MED16: variants seen among roughly 807,000 people sequenced by gnomAD.
MED16 encodes mediator complex subunit 16.
In MED16, 81 loss-of-function variants were observed where a neutral mutation model predicts 84.4. The observed-to-expected ratio is 0.96, with a 90% CI of 0.80 to 1.15. The LOEUF (loss-of-function observed/expected upper bound fraction) is 1.15, where lower values mean the gene tolerates loss of function less well. MED16 is among the 50% of genes most tolerant of loss of function. The probability of loss-of-function intolerance (pLI) is 0.00; values close to 1 mark genes in which losing one functional copy is unlikely to be tolerated. For synonymous variants in MED16, 897 were observed against 552.2 expected, an observed-to-expected ratio of 1.62 and a Z score of -8.76; for missense variants, 1,585 against 1,245.9, an observed-to-expected ratio of 1.27 and a Z score of -4.10.
chr19:890,403 C>A lies in MED16; in HGVS notation c.170-159G>T, dbSNP rs919362735. On this transcript the variant is annotated intron_variant, in intron 2 of 15. Coordinates refer to ENST00000325464, the MANE Select transcript of MED16 (RefSeq NM_005481.3). ...CGACAGCTCAGGGAACAGGCTGTCC[C>A]CCCGCAGGAACAGAGCAGGCCTGTG... 2.3e-5 allele frequency: 13 copies of A among 563,576 alleles called. No individual in the cohort carries two copies. The Middle Eastern group carries it at 1.5e-3, about 66-fold the overall frequency. The allele number at this position is 563,576 out of a possible 1,614,324, so 34.9% of individuals were successfully genotyped here.
chr19:872,155 G>C (rs752549057), intron 11 of MED16, 37 bp from the exon 12 acceptor site: 3 of 1,557,434 alleles, frequency 1.9e-6, no homozygotes, highest in Non-Finnish European at 2.6e-6. Context: ...TGGGGCGGCG[G>C]GGGGCAGATG....
intron 10 of MED16, among the ~76,000 whole-genome samples, chr19:874,991 C>A (rs1006431092): frequency 1.3e-5 from 2 of 149,054 alleles, no homozygotes; most frequent in Admixed American, 1.3e-4. Flanking sequence ...GGTGAAACCC[C>A]GTCTCTACTA....
Position 875,387 on chromosome 19 carries a change from C to T in MED16, c.1628G>A (p.Arg543His), listed in dbSNP as rs2036206863. 1.2e-6 allele frequency: 2 copies of T among 1,608,806 alleles called. No individual in the cohort carries two copies. The highest frequency in any genetic ancestry group is 8.5e-7 in the Non-Finnish European group (1 of 1,179,754). Reference sequence around the variant, plus strand: ...GAGCTTGGTGTGGTAGTCGCACACGCGGGTCACCGTGCAGGGCGACAGCTT... The same window carrying T: ...GAGCTTGGTGTGGTAGTCGCACACGTGGGTCACCGTGCAGGGCGACAGCTT... ...LCKLSPCTVT[R>H]VCDYHTKLFL... is the part of the protein sequence containing the mutation. The change falls in exon 10 of 16, where the codon CGC becomes CAC. Residue 543 changes from arginine to histidine, a missense_variant. Coordinates refer to ENST00000325464, the MANE Select transcript of MED16 (RefSeq NM_005481.3).
chr19:885,459 G>A (rs529728663), intron 5 of MED16, among the ~76,000 whole-genome samples: 2 of 152,118 alleles, frequency 1.3e-5, no homozygotes, highest in Non-Finnish European at 2.9e-5. Context: ...ACGTTGGGGG[G>A]GGTCCGGGGG....
intron 11 of MED16, chr19:872,890 G>A (rs1445434768): frequency 1.1e-6 from 1 of 940,796 alleles, no homozygotes; most frequent in African/African-American, 1.8e-5. Flanking sequence ...CAGGAAGGGT[G>A]TGGCCAAGGA....
chr19:889,532 C>T (rs1274854309), intron 4 of MED16, 106 bp downstream of exon 4: 1 of 1,405,824 alleles, frequency 7.1e-7, no homozygotes, highest in Non-Finnish European at 9.6e-7. Context: ...AGTGCAAGGT[C>T]CAAAAAACCA....
At position 889,772 on chromosome 19, in the gene MED16, T is replaced by C. The variant is rs1568333769; in HGVS notation, c.313A>G (p.Ile105Val). 6.2e-7 allele frequency: 1 copy of C among 1,613,150 alleles called. No individual in the cohort carries two copies. The highest frequency in any genetic ancestry group is 8.5e-7 in the Non-Finnish European group (1 of 1,179,768). ...RLLSADADGQ[I>V]KCWSMADHLA... is the part of the protein sequence containing the mutation. ...TGGTCCGCCATGCTCCAGCACTTGA[T>C]CTGCCCGTCGGCATCTGCTGACAGG... The change falls in exon 4 of 16, where the codon ATC becomes GTC. Residue 105 changes from isoleucine to valine, a missense_variant. Transcript: ENST00000325464.
chr19:868,672 C>T (rs2035974613), intron 14 of MED16, among the ~76,000 whole-genome samples, 173 bp from the exon 15 acceptor site: 1 of 152,168 alleles, frequency 6.6e-6, no homozygotes, highest in Admixed American at 6.5e-5. Flanking sequence ...CCCAGCAATG[C>T]TGCTCCCTGA....
intron 13 of MED16, 108 bp from the exon 14 acceptor site, chr19:869,054 C>T (rs1228200787): frequency 7.2e-6 from 7 of 966,552 alleles, no homozygotes; most frequent in African/African-American, 3.4e-5. Context: ...GGCCTCACAC[C>T]ATCTGCCAGG....
chr19:878,184 A>G (rs1262047176), intron 8 of MED16, among the ~76,000 whole-genome samples: 11 of 129,422 alleles, frequency 8.5e-5, no homozygotes, highest in African/African-American at 3.0e-4. Flanking sequence ...CACCGAGCCC[A>G]GCCCCACGTG....
chr19:879,980 G>C lies in MED16; in HGVS notation c.1310C>G (p.Ser437Trp). ...PAVHLKAMQL[S>W]WTSLALVGID... ...CCCCACCAGGGCCAGTGACGTCCAC[G>C]ATAGCTGCATAGCCTTTAAGTGGAC... is the stretch of plus-strand genomic sequence containing the variant. Residue 437 changes from serine (S) to tryptophan (W), a missense_variant, in exon 8 of 16, where the codon TCG (serine) becomes TGG (tryptophan). Ser to Trp is a radical substitution (Grantham distance 177). Transcript: ENST00000325464. 5 of 1,607,230 alleles carry C rather than the reference G, an allele frequency of 3.1e-6. No homozygotes were observed. The highest frequency in any genetic ancestry group is 4.2e-6 in the Non-Finnish European group (5 of 1,177,256).
Position 871,475 on chromosome 19 carries a change from G to A in MED16, c.2099-222C>T, listed in dbSNP as rs907244338. The stretch of plus-strand genomic sequence containing the variant: ...TCTCTCCCCGTCTCTGGCCTGTCAT[G>A]AGACTCCCTCATTCACTTAAAAAGT... On this transcript the variant is annotated intron_variant, in intron 12 of 15. Coordinates refer to ENST00000325464, the MANE Select transcript of MED16 (RefSeq NM_005481.3). 7 of 1,454,112 alleles carry A rather than the reference G, an allele frequency of 4.8e-6. No individual in the cohort carries two copies. In the African/African-American group the frequency reaches 7.0e-5, roughly 15 times the overall value. The allele number at this position is 1,454,112 out of a possible 1,614,324, so 90.1% of individuals were successfully genotyped here. A position where few individuals can be genotyped will look rare whatever the true frequency, so the allele number is the denominator to read the frequency against.
chr19:880,168 C>T lies in MED16; in HGVS notation c.1142-20G>A. 1 of 1,598,762 alleles carries T rather than the reference C, an allele frequency of 6.3e-7. No individual in the cohort carries two copies. The highest frequency in any genetic ancestry group is 8.5e-7 in the Non-Finnish European group (1 of 1,175,684). ...CCAGCCCTGTGGGGCACAGGCACTG[C>T]TTAGACATGGGCAGGGCCCAGGACA... is the stretch of plus-strand genomic sequence containing the variant. On this transcript the variant is annotated intron_variant, in intron 7 of 15. Coordinates refer to ENST00000325464, the MANE Select transcript of MED16 (RefSeq NM_005481.3).
chr19:871,333 C>A, intron 12 of MED16, 80 bp from the exon 13 acceptor site: 2 of 1,419,078 alleles, frequency 1.4e-6, no homozygotes, highest in Non-Finnish European at 1.9e-6. Flanking sequence ...GGGAGCCCCT[C>A]CAGTTCAGGA....
At position 868,961 on chromosome 19, in the gene MED16, G is replaced by C. The variant is rs563865135; in HGVS notation, c.2316-15C>G. The C allele has an allele frequency of 9.8e-6, 15 of 1,531,124 alleles. No homozygotes were observed. Among genetic ancestry groups the C allele is most frequent in the Non-Finnish European group, 1.1e-5 (13 of 1,146,120 alleles). The allele number at this position is 1,531,124 out of a possible 1,614,324, so 94.8% of individuals were successfully genotyped here. A position where few individuals can be genotyped will look rare whatever the true frequency, so the allele number is the denominator to read the frequency against. On this transcript the variant is annotated splice_polypyrimidine_tract_variant and intron_variant, in intron 13 of 15. Coordinates refer to ENST00000325464, the MANE Select transcript of MED16 (RefSeq NM_005481.3). ...GGCCTGGGGCCCTGGCGGGAGAGGG[G>C]AGAACGTGAGGGAGGCCTGGGCACC...
At chr19:875,517 C>G (rs973488592) in intron 9 of MED16, 63 bp from the exon 10 acceptor site, 2 of 1,375,076 alleles carry the variant, frequency 1.5e-6, no homozygotes, top group African/African-American at 1.4e-5. Flanking sequence ...AAGGCTCCAG[C>G]TGAGGAGAAG....
chr19:887,071 CTT>C (rs1395233950), intron 4 of MED16, among the ~76,000 whole-genome samples: 1 of 150,720 alleles, frequency 6.6e-6, no homozygotes, highest in East Asian at 1.9e-4. Flanking sequence ...GAGAGCAAAA[CTT>C]TGTCTCAAAA....
At chr19:878,437 C>G (rs868737979) in intron 8 of MED16, among the ~76,000 whole-genome samples, 1 of 111,898 alleles carries the variant, frequency 8.9e-6, no homozygotes, top group African/African-American at 3.8e-5. Context: ...GCCCCAGCCC[C>G]GGCCCCGGCC....
At chr19:871,643 G>T (rs578178116) in intron 12 of MED16, 5 of 1,593,264 alleles carry the variant, frequency 3.1e-6, no homozygotes, top group East Asian at 4.5e-5. Context: ...CCCACACAGA[G>T]CATGGACCTG....
Sources: gnomAD v4.1 joint callset for allele counts (sites outside exome capture counted in the v4.1 genomes callset) on GRCh38, gnomAD v4.1.1 for gene constraint, MANE v1.5 for transcripts, NCBI Gene and HGNC (gene_info 2026-07-23, HGNC 2026-07-21) for gene names.